PRIM2: variants seen among roughly 807,000 people sequenced by gnomAD.
The protein encoded by PRIM2 is DNA primase large subunit.
Under a neutral mutation model 67.3 loss-of-function variants are expected in PRIM2, and 39 were observed. The observed-to-expected ratio is 0.58, with a 90% CI of 0.45 to 0.76. The LOEUF (loss-of-function observed/expected upper bound fraction) is 0.76. Among genes scored for constraint, PRIM2 ranks in the 30% least tolerant of loss-of-function variants. The pLI, the probability that PRIM2 is intolerant of heterozygous loss-of-function variation, is 0.00. For synonymous variants in PRIM2, 143 were observed against 198.7 expected (o/e 0.72, Z 2.36); for missense variants, 398 against 598.7 (o/e 0.66, Z 3.50).
the PRIM2 span, among the ~76,000 whole-genome samples, chr6:57,268,557 C>T: frequency 1.1e-4 from 17 of 152,094 alleles, no homozygotes; most frequent in East Asian, 3.1e-3. Context: ...TTCTGATGCA[C>T]TAGGTTCTGA....
chr6:57,591,743 C>T (rs1275028743), intron 10 of PRIM2, among the ~76,000 whole-genome samples: 1 of 152,104 alleles, frequency 6.6e-6, no homozygotes, highest in Non-Finnish European at 1.5e-5. Flanking sequence ...CAGTTCAGCC[C>T]CTGAGGAAAT....
At chr6:57,615,510 G>C (rs1776739985) in intron 12 of PRIM2, among the ~76,000 whole-genome samples, 1 of 151,852 alleles carries the variant, frequency 6.6e-6, no homozygotes, top group East Asian at 1.9e-4. Flanking sequence ...TTTCTCAGAA[G>C]AAGTTTTTTC....
At chr6:57,645,405 A>G (rs1412808934) in intron 13 of PRIM2, among the ~76,000 whole-genome samples, 5 of 148,776 alleles carry the variant, frequency 3.4e-5, no homozygotes, top group Non-Finnish European at 7.4e-5. Context: ...TAGTTTTCTA[A>G]TTTTTTGTTT....
At chr6:57,316,431 G>T (rs543848634), upstream of PRIM2, among the ~76,000 whole-genome samples, 10 of 152,208 alleles carry the variant, frequency 6.6e-5, no homozygotes, top group South Asian at 2.1e-3. Flanking sequence ...TGGTGGGTCG[G>T]GGGGAATAAC....
chr6:57,454,004 C>T (rs200870409), intron 7 of PRIM2, among the ~76,000 whole-genome samples: 14,766 of 152,008 alleles, frequency 0.097, 790 homozygotes, highest in African/African-American at 0.13. Flanking sequence ...GAAGGGTTGT[C>T]GAATTTTGTC....
At chr6:57,378,791 G>A (rs1225641768) in intron 5 of PRIM2, among the ~76,000 whole-genome samples, 5 of 152,144 alleles carry the variant, frequency 3.3e-5, no homozygotes, top group Non-Finnish European at 5.9e-5. Context: ...CTGTAAAGAT[G>A]TTTTAAAAAT....
chr6:57,413,564 A>G (rs1284424560), intron 7 of PRIM2, among the ~76,000 whole-genome samples: 1 of 152,132 alleles, frequency 6.6e-6, no homozygotes, highest in Non-Finnish European at 1.5e-5. Flanking sequence ...GAATATCAGC[A>G]TGGATGCTGT....
intron 10 of PRIM2, among the ~76,000 whole-genome samples, chr6:57,597,323 G>A (rs2127490385): frequency 6.6e-6 from 1 of 150,954 alleles, no homozygotes; most frequent in Non-Finnish European, 1.5e-5. Context: ...TTGGAAGAAG[G>A]GGGACATTTT....
the PRIM2 span, among the ~76,000 whole-genome samples, chr6:57,250,336 T>C: frequency 1.4e-4 from 22 of 152,336 alleles, no homozygotes; most frequent in East Asian, 2.9e-3. Context: ...TGTCAGGTAC[T>C]GTGCTGGGCA....
intron 8 of PRIM2, among the ~76,000 whole-genome samples, chr6:57,508,549 T>G (rs1774295921): frequency 6.6e-6 from 1 of 152,190 alleles, no homozygotes; most frequent in Admixed American, 6.5e-5. Context: ...GAATTGGAAT[T>G]ACTTTGTCAA....
At chr6:57,494,907 A>G (rs1773972211) in intron 7 of PRIM2, among the ~76,000 whole-genome samples, 1 of 152,240 alleles carries the variant, frequency 6.6e-6, no homozygotes, top group Non-Finnish European at 1.5e-5. Flanking sequence ...AAATGTGCTT[A>G]TCACAGTGAA....
At chr6:57,458,730 T>G (rs1272514070) in intron 7 of PRIM2, among the ~76,000 whole-genome samples, 1 of 152,174 alleles carries the variant, frequency 6.6e-6, no homozygotes, top group Admixed American at 6.5e-5. Flanking sequence ...TCTACGATTA[T>G]TTGATGAAAA....
intron 8 of PRIM2, among the ~76,000 whole-genome samples, chr6:57,513,950 AGAAT>A (rs1472990239): frequency 6.6e-6 from 1 of 152,228 alleles, no homozygotes; most frequent in African/African-American, 2.4e-5. Context: ...TTTCAGCCCA[AGAAT>A]GAATTAGAAA....
the PRIM2 span, among the ~76,000 whole-genome samples, chr6:57,229,228 C>T: frequency 1.3e-5 from 2 of 152,144 alleles, no homozygotes; most frequent in African/African-American, 4.8e-5. Flanking sequence ...AGAGGCTGAT[C>T]CTAAACCCCT....
chr6:57,231,389 A>C, the PRIM2 span, among the ~76,000 whole-genome samples: 1 of 152,236 alleles, frequency 6.6e-6, no homozygotes, highest in Non-Finnish European at 1.5e-5. Flanking sequence ...CTCACCTTGA[A>C]TTACAAATAA....
chr6:57,550,448 T>C (rs1198208443), intron 10 of PRIM2, among the ~76,000 whole-genome samples: 1 of 152,144 alleles, frequency 6.6e-6, no homozygotes, highest in Non-Finnish European at 1.5e-5. Flanking sequence ...AAATTATGTA[T>C]TGGGTTAAGT....
the PRIM2 span, among the ~76,000 whole-genome samples, chr6:57,295,343 T>G: frequency 6.6e-6 from 1 of 150,504 alleles, no homozygotes; most frequent in Non-Finnish European, 1.5e-5. Context: ...AATTGAATTT[T>G]ATAAAAAAAA....
At chr6:57,535,362 G>A (rs1335338387) in intron 9 of PRIM2, among the ~76,000 whole-genome samples, 8 of 152,108 alleles carry the variant, frequency 5.3e-5, no homozygotes, top group Admixed American at 3.9e-4. Flanking sequence ...GCTTTCCCAG[G>A]CTCCCTGTCA....
the PRIM2 span, among the ~76,000 whole-genome samples, chr6:57,291,164 G>A: frequency 6.6e-6 from 1 of 151,860 alleles, no homozygotes; most frequent in African/African-American, 2.4e-5. Context: ...ATGATAAAGG[G>A]GTTATCACCA....
Sources: gnomAD v4.1 joint callset for allele counts (sites outside exome capture counted in the v4.1 genomes callset) on GRCh38, gnomAD v4.1.1 for gene constraint, MANE v1.5 for transcripts, NCBI Gene and HGNC (gene_info 2026-07-23, HGNC 2026-07-21) for gene names.